Variants in FNDC3B observed in about 807,000 individuals in gnomAD.
FNDC3B encodes the protein fibronectin type III domain containing 3B.
Under a neutral mutation model 151.5 loss-of-function variants are expected in FNDC3B, and 12 were observed. That is an observed-to-expected ratio of 0.08 (90% confidence interval 0.05 to 0.13). The LOEUF (loss-of-function observed/expected upper bound fraction) is 0.13. Among genes scored for constraint, FNDC3B ranks in the 10% least tolerant of loss-of-function variants. The pLI is 1.00. For synonymous variants in FNDC3B, 528 were observed against 549.0 expected, an observed-to-expected ratio of 0.96 and a Z score of 0.54; for missense variants, 1,214 against 1,505.3, an observed-to-expected ratio of 0.81 and a Z score of 3.20.
intron 23 of FNDC3B, among the ~76,000 whole-genome samples, chr3:172,374,689 G>C (rs1477223650): frequency 6.6e-6 from 1 of 152,098 alleles, no homozygotes; most frequent in South Asian, 2.1e-4. Context: ...CACTGTGCCC[G>C]GCCAGCAGTT....
At chr3:172,067,252 C>T (rs543891251) in intron 1 of FNDC3B, among the ~76,000 whole-genome samples, 56 of 152,142 alleles carry the variant, frequency 3.7e-4, no homozygotes, top group Non-Finnish European at 6.5e-4. Context: ...TATAATGTGG[C>T]GCTGTAATTA....
chr3:172,170,590 T>C (rs1455506003), intron 3 of FNDC3B, among the ~76,000 whole-genome samples: 4 of 152,226 alleles, frequency 2.6e-5, no homozygotes, highest in Non-Finnish European at 4.4e-5. Flanking sequence ...CCCTCCTAGC[T>C]GTTCCAGTAG....
chr3:172,210,610 A>C (rs6445045), intron 3 of FNDC3B, among the ~76,000 whole-genome samples: 135,660 of 152,122 alleles, frequency 0.89, 60,772 homozygotes, highest in African/African-American at 0.95. Context: ...CCCTCCTCAG[A>C]CTCCCGAGTG....
intron 3 of FNDC3B, among the ~76,000 whole-genome samples, chr3:172,184,972 A>G (rs762005529): frequency 1.3e-5 from 2 of 152,236 alleles, no homozygotes; most frequent in Non-Finnish European, 2.9e-5. Flanking sequence ...AAATACAAAC[A>G]TTAAGAAGGA....
At chr3:172,371,936 A>G (rs186920953) in intron 23 of FNDC3B, among the ~76,000 whole-genome samples, 334 of 152,360 alleles carry the variant, frequency 2.2e-3, no homozygotes, top group Admixed American at 7.4e-3. Context: ...TAATATTTAC[A>G]TAGTATTAAA....
Position 172,400,169 on chromosome 3 carries a change from T to C in FNDC3B, c.*2694T>C, listed in dbSNP as rs1038980657. 3 of 152,264 alleles carry C rather than the reference T, an allele frequency of 2.0e-5. No individual in the cohort carries two copies. The highest frequency in any genetic ancestry group is 6.5e-5 in the Admixed American group (1 of 15,290). 9.4% of individuals were successfully genotyped at this position (152,264 alleles called of 1,614,324 possible). A position where few individuals can be genotyped will look rare whatever the true frequency, so the allele number is the denominator to read the frequency against. On this transcript the variant is annotated 3_prime_UTR_variant, in exon 26 of 26. Transcript: ENST00000415807. ...TTTTGCTATGTGAGGAGTGAATGAGTGGCCTTCTGATGCTCTGACTCTTCT... is the reference window on the plus strand; with the variant it reads ...TTTTGCTATGTGAGGAGTGAATGAGCGGCCTTCTGATGCTCTGACTCTTCT...
At chr3:172,294,475 C>A (rs1019093653) in intron 7 of FNDC3B, among the ~76,000 whole-genome samples, 1 of 152,100 alleles carries the variant, frequency 6.6e-6, no homozygotes, top group African/African-American at 2.4e-5. Context: ...TTTTAAACAA[C>A]CAGATCTTGT....
At chr3:172,342,909 TC>T in intron 17 of FNDC3B, 101 bp from the exon 18 acceptor site, 1 of 701,228 alleles carries the variant, frequency 1.4e-6, no homozygotes. Flanking sequence ...TAACCCCTTT[TC>T]GGTAACATTT....
At chr3:172,192,891 CCAACCAGTTTGAGTTTTTGT>C (rs1191390511) in intron 3 of FNDC3B, among the ~76,000 whole-genome samples, 1 of 151,986 alleles carries the variant, frequency 6.6e-6, no homozygotes, top group East Asian at 1.9e-4. Context: ...AATAACAAAA[CCAACCAGTTTGAGTTTTTGT>C]CAAAACTCAA....
intron 11 of FNDC3B, among the ~76,000 whole-genome samples, chr3:172,322,731 CAGGG>C (rs1732150878): frequency 6.7e-6 from 1 of 150,190 alleles, no homozygotes; most frequent in Non-Finnish European, 1.5e-5. Context: ...ATTCTGGAGA[CAGGG>C]AGAGTGGGGG....
intron 3 of FNDC3B, among the ~76,000 whole-genome samples, chr3:172,175,590 C>T (rs1434812240): frequency 6.6e-6 from 1 of 152,104 alleles, no homozygotes; most frequent in Non-Finnish European, 1.5e-5. Context: ...TTCTTGAGTT[C>T]TTTTTATGTT....
At chr3:172,212,594 AACAC>A (rs1176814206) in intron 3 of FNDC3B, among the ~76,000 whole-genome samples, 2 of 152,214 alleles carry the variant, frequency 1.3e-5, no homozygotes, top group African/African-American at 4.8e-5. Flanking sequence ...ATTGTCAGCT[AACAC>A]CTGTTTTCTA....
At chr3:172,146,045 T>G (rs1721893877) in intron 3 of FNDC3B, among the ~76,000 whole-genome samples, 1 of 152,210 alleles carries the variant, frequency 6.6e-6, no homozygotes, top group Non-Finnish European at 1.5e-5. Context: ...GCTCCCATCC[T>G]CAGGTGATTT....
intron 1 of FNDC3B, among the ~76,000 whole-genome samples, chr3:172,055,323 C>A (rs1034718115): frequency 4.6e-5 from 7 of 151,954 alleles, no homozygotes; most frequent in African/African-American, 1.7e-4. Context: ...GATTTTGGAC[C>A]TATTTTCTTG....
chr3:172,245,634 G>A (rs550815846), intron 4 of FNDC3B, among the ~76,000 whole-genome samples: 3 of 152,242 alleles, frequency 2.0e-5, no homozygotes, highest in East Asian at 1.9e-4. Context: ...CAAAATAGAA[G>A]AAGCTTTGAT....
intron 10 of FNDC3B, among the ~76,000 whole-genome samples, chr3:172,308,421 A>G (rs1266072259): frequency 6.6e-6 from 1 of 152,268 alleles, no homozygotes; most frequent in Non-Finnish European, 1.5e-5. Flanking sequence ...AGATGGAGGT[A>G]GAGATAAAGA....
rs185407680 is a variant in FNDC3B, at chr3:172,270,678, A to G, written c.791-15248A>G. On this transcript the variant is annotated intron_variant, in intron 6 of 25. Coordinates refer to ENST00000415807, the MANE Select transcript of FNDC3B (RefSeq NM_022763.4). ...TTGTGTTTGTTTGTGTACATTTTCT[A>G]TATTCTCCTGCAAGAGTTCACCCTT... Among the ~76,000 whole-genome samples, 544 of 152,236 alleles carry G rather than the reference A, an allele frequency of 3.6e-3. 2 individuals carry two copies. Among genetic ancestry groups the G allele is most frequent in the African/African-American group, 0.012 (494 of 41,544 alleles).
At chr3:172,348,905 G>A (rs1243293971) in intron 21 of FNDC3B, among the ~76,000 whole-genome samples, 2 of 152,102 alleles carry the variant, frequency 1.3e-5, no homozygotes, top group African/African-American at 4.8e-5. Context: ...CCAATTTATT[G>A]TTATTTGTGG....
At chr3:172,243,591 A>G (rs1004236514) in intron 4 of FNDC3B, among the ~76,000 whole-genome samples, 5 of 152,150 alleles carry the variant, frequency 3.3e-5, no homozygotes, top group African/African-American at 1.2e-4. Flanking sequence ...TCATGATTCA[A>G]TTACCTCCCA....
Sources: gnomAD v4.1 joint callset for allele counts (sites outside exome capture counted in the v4.1 genomes callset) on GRCh38, gnomAD v4.1.1 for gene constraint, MANE v1.5 for transcripts, NCBI Gene and HGNC (gene_info 2026-07-23, HGNC 2026-07-21) for gene names.